Variants in BANP observed in about 807,000 individuals in gnomAD.
BANP encodes the protein protein BANP.
A neutral mutation model predicts 68.1 loss-of-function variants in BANP; 11 were observed. The ratio of observed to expected loss-of-function variants is 0.16; its 90% CI spans 0.10 to 0.27. The LOEUF is 0.27. Ranked by LOEUF, BANP falls within the 10% of genes least tolerant of loss-of-function variation. The pLI is 1.00. For missense variants in BANP, 504 were observed against 722.7 expected, an observed-to-expected ratio of 0.70 and a Z score of 3.47; for synonymous variants, 329 against 303.2, an observed-to-expected ratio of 1.09 and a Z score of -0.88.
intron 11 of BANP, among the ~76,000 whole-genome samples, chr16:88,055,826 G>A (rs1297599727): frequency 6.6e-6 from 1 of 152,110 alleles, no homozygotes; most frequent in Non-Finnish European, 1.5e-5. Context: ...TGCATTACAT[G>A]CCAAAACACA....
chr16:88,034,184 C>G (rs1308055017), intron 9 of BANP, among the ~76,000 whole-genome samples: 3 of 152,272 alleles, frequency 2.0e-5, no homozygotes, highest in African/African-American at 7.2e-5. Context: ...CCTTCCTCTT[C>G]CAAAGGAGAT....
chr16:87,962,349 A>T (rs554830509), intron 1 of BANP, among the ~76,000 whole-genome samples: 2 of 152,136 alleles, frequency 1.3e-5, no homozygotes, highest in South Asian at 4.1e-4. Context: ...GTTAATATGT[A>T]ATGTGTTAAT....
intron 1 of BANP, among the ~76,000 whole-genome samples, chr16:87,961,303 T>G (rs1486023844): frequency 1.3e-5 from 2 of 152,226 alleles, no homozygotes; most frequent in Non-Finnish European, 2.9e-5. Context: ...TAACTGCATC[T>G]CCTTGTAAGG....
At chr16:88,046,678 T>C (rs1451644867) in intron 11 of BANP, among the ~76,000 whole-genome samples, 1 of 152,130 alleles carries the variant, frequency 6.6e-6, no homozygotes, top group East Asian at 2.0e-4. Context: ...CCTGAGTCGC[T>C]GGGATTATAT....
At chr16:87,983,352 G>A (rs957098588) in intron 3 of BANP, among the ~76,000 whole-genome samples, 9 of 152,272 alleles carry the variant, frequency 5.9e-5, no homozygotes, top group African/African-American at 1.9e-4. Context: ...ACGTTTCCAC[G>A]TGTGCTCATG....
intron 1 of BANP, among the ~76,000 whole-genome samples, chr16:87,962,607 G>A (rs1189071158): frequency 6.6e-6 from 1 of 152,148 alleles, no homozygotes. Flanking sequence ...AATATATTCA[G>A]GTTTGGAATT....
In BANP at chr16:88,044,622, G is replaced by T. The variant is rs539759377; in HGVS notation, c.1311+6611G>T. ...TTAAGAGTTTGTAGTTCTAAAAGTT[G>T]TAATTGAGTAGCTGGGACTATCGGT... is the stretch of plus-strand genomic sequence containing the variant. On this transcript the variant is annotated intron_variant, in intron 11 of 13. Transcript: ENST00000682872. Among the ~76,000 whole-genome samples the T allele has an allele frequency of 5.3e-5, 8 of 152,338 alleles. No homozygotes were observed. In the South Asian group the frequency reaches 1.7e-3, roughly 32 times the overall value.
chr16:87,982,281 G>A (rs1057281666), intron 3 of BANP, among the ~76,000 whole-genome samples: 8 of 152,178 alleles, frequency 5.3e-5, no homozygotes, highest in South Asian at 2.1e-4. Flanking sequence ...GTGGGCCCCC[G>A]GTTGAATGTG....
At chr16:88,016,761 G>A (rs1336168768) in intron 6 of BANP, among the ~76,000 whole-genome samples, 1 of 152,212 alleles carries the variant, frequency 6.6e-6, no homozygotes, top group African/African-American at 2.4e-5. Flanking sequence ...AATAGTGGCC[G>A]ACCGACGGAT....
At chr16:88,006,952 A>G (rs866012053) in intron 6 of BANP, among the ~76,000 whole-genome samples, 1 of 150,660 alleles carries the variant, frequency 6.6e-6, no homozygotes, top group African/African-American at 2.4e-5. Context: ...TGTCTCAAAA[A>G]AAAAAAAAAA....
At position 88,071,399 on chromosome 16, in the gene BANP, T is replaced by G; in HGVS notation, c.1378-670T>G. ...GCCTGGGTGCTTACAGGCGATGGGG[T>G]CACCAGAGCCCACCCAGGGGCCTCG... On this transcript the variant is annotated intron_variant, in intron 12 of 13. Coordinates refer to ENST00000682872, the MANE Select transcript of BANP (RefSeq NM_001386991.1). This position sits in a 1 kb window ranked among gnomAD's most constrained non-coding sequence, Gnocchi z 6.5. The G allele has an allele frequency of 2.2e-6, 1 of 444,618 alleles. No individual in the cohort carries two copies. Among genetic ancestry groups the G allele is most frequent in the Admixed American group, 2.4e-5 (1 of 41,574 alleles). 27.5% of individuals were successfully genotyped at this position (444,618 alleles called of 1,614,324 possible). A position where few individuals can be genotyped will look rare whatever the true frequency, so the allele number is the denominator to read the frequency against.
intron 11 of BANP, among the ~76,000 whole-genome samples, chr16:88,054,214 C>T (rs546740178): frequency 1.1e-4 from 13 of 113,158 alleles, no homozygotes; most frequent in Admixed American, 6.2e-4. Flanking sequence ...GACTACCACC[C>T]CCACCTCCTT....
chr16:88,041,645 G>T (rs1297088054), intron 11 of BANP, among the ~76,000 whole-genome samples: 1 of 151,900 alleles, frequency 6.6e-6, no homozygotes, highest in Admixed American at 6.6e-5. Flanking sequence ...GTTCCAGGAG[G>T]GCTGCCTCGA....
intron 8 of BANP, among the ~76,000 whole-genome samples, chr16:88,031,988 A>C (rs1000520660): frequency 8.5e-5 from 13 of 152,048 alleles, no homozygotes; most frequent in African/African-American, 2.9e-4. Context: ...TATTTTTAGT[A>C]GAGACGGGGT....
At chr16:88,015,736 G>C (rs2074390839) in intron 6 of BANP, among the ~76,000 whole-genome samples, 1 of 152,274 alleles carries the variant, frequency 6.6e-6, no homozygotes, top group African/African-American at 2.4e-5. Flanking sequence ...CTACCAGGCA[G>C]CTGCCGCAGG....
chr16:88,056,191 G>A (rs1362434573), intron 11 of BANP, among the ~76,000 whole-genome samples: 3 of 152,250 alleles, frequency 2.0e-5, no homozygotes, highest in Admixed American at 6.5e-5. Context: ...ATGCAGCAGA[G>A]TGTTCTGAGA....
At chr16:88,045,790 T>A (rs1598819098) in intron 11 of BANP, among the ~76,000 whole-genome samples, 1 of 90,984 alleles carries the variant, frequency 1.1e-5, no homozygotes, top group African/African-American at 4.3e-5. Context: ...ACTGGATGGG[T>A]GGGGGGTGGG....
intron 4 of BANP, among the ~76,000 whole-genome samples, chr16:87,985,107 G>A (rs185926178): frequency 5.9e-5 from 9 of 152,318 alleles, no homozygotes; most frequent in Non-Finnish European, 1.0e-4. Flanking sequence ...TTGTGACCTC[G>A]CTGCCCGTGT....
At chr16:87,998,033 C>T (rs1017833158) in intron 4 of BANP, among the ~76,000 whole-genome samples, 1 of 152,196 alleles carries the variant, frequency 6.6e-6, no homozygotes, top group Non-Finnish European at 1.5e-5. Flanking sequence ...TCGGGATTCT[C>T]AGTCTTTGCT....
Sources: allele counts gnomAD v4.1 joint callset (sites outside exome capture counted in the v4.1 genomes callset), GRCh38; gene constraint gnomAD v4.1.1; non-coding constraint Gnocchi (gnomAD v3.1); transcripts MANE v1.5; gene names NCBI Gene and HGNC (gene_info 2026-07-23, HGNC 2026-07-21).